Variants in TTLL12 observed in about 807,000 individuals in gnomAD.
TTLL12 encodes tubulin tyrosine ligase like 12.
In TTLL12, 77 loss-of-function variants were observed where a neutral mutation model predicts 79.6. The ratio of observed to expected loss-of-function variants is 0.97; its 90% CI spans 0.81 to 1.17. TTLL12 has a LOEUF of 1.17. Ranked by LOEUF, TTLL12 falls within the 50% of genes most tolerant of loss-of-function variation. TTLL12 has a pLI of 0.00. For missense variants in TTLL12, 969 were observed against 895.9 expected, an observed-to-expected ratio of 1.08 and a Z score of -1.04; for synonymous variants, 437 against 376.1, an observed-to-expected ratio of 1.16 and a Z score of -1.87.
intron 5 of TTLL12, among the ~76,000 whole-genome samples, chr22:43,178,959 G>A (rs879758473): frequency 1.3e-5 from 2 of 152,184 alleles, no homozygotes; most frequent in Non-Finnish European, 2.9e-5. Flanking sequence ...GGGAGAGGAG[G>A]GGAAGGAGGA....
Position 43,179,715 on chromosome 22 carries a change from G to A in TTLL12, c.744C>T (p.Asp248=), listed in dbSNP as rs1361577216. ...GCAGCATGCACTTCCGGATCAGGGG[G>A]TCCGTCTCTCCGTAGGCAAAGTCTC... The part of the protein sequence containing the change: ...VTRDFAYGET[D]PLIRKCMLLP... The change falls in exon 5 of 14, where the codon GAC becomes GAT. Residue 248 remains aspartate (D), a synonymous_variant. Transcript: ENST00000216129. The A allele has an allele frequency of 6.4e-7, 1 of 1,566,292 alleles. No individual in the cohort carries two copies. Among genetic ancestry groups the A allele is most frequent in the Non-Finnish European group, 8.7e-7 (1 of 1,155,962 alleles).
chr22:43,175,666 G>A (rs2147070666), intron 6 of TTLL12: 1 of 152,030 alleles, frequency 6.6e-6, no homozygotes, highest in East Asian at 1.9e-4. Flanking sequence ...AACTTTCAAA[G>A]ATGAATTTAT....
At chr22:43,186,189 A>ACCCCCCCC (rs59941359) in intron 1 of TTLL12, among the ~76,000 whole-genome samples, 5 of 82,140 alleles carry the variant, frequency 6.1e-5, no homozygotes, top group Admixed American at 1.4e-4. Context: ...TAAAGAAAAC[A>ACCCCCCCC]CCCCCCCCCC....
At chr22:43,171,044 G>A (rs559635166) in intron 11 of TTLL12, among the ~76,000 whole-genome samples, 15 of 152,370 alleles carry the variant, frequency 9.8e-5, no homozygotes, top group East Asian at 9.6e-4. Context: ...GGGTCGGGGA[G>A]CGTTGGGGCT....
At position 43,171,872 on chromosome 22, in the gene TTLL12, A is replaced by G. The variant is rs1475384813; in HGVS notation, c.1522T>C (p.Tyr508His). ...RAFALNDLDD[Y>H]EKHFTVMNYD... ...TTCATGACCGTGAAGTGCTTCTCGT[A>G]GTCATCCAGGTCGTTGAGTGCAAAG... Residue 508 changes from tyrosine (Y) to histidine (H), a missense_variant, in exon 11 of 14, where the codon TAC becomes CAC. Coordinates refer to ENST00000216129, the MANE Select transcript of TTLL12 (RefSeq NM_015140.4). 6.2e-7 allele frequency: 1 copy of G among 1,614,188 alleles called. No homozygotes were observed. The highest frequency in any genetic ancestry group is 1.1e-5 in the South Asian group (1 of 91,090).
intron 13 of TTLL12, among the ~76,000 whole-genome samples, chr22:43,168,455 C>A (rs1254891560): frequency 6.6e-6 from 1 of 150,462 alleles, no homozygotes; most frequent in Admixed American, 6.6e-5. Context: ...AGATATGCAG[C>A]AGCAGTGTAC....
chr22:43,172,716 G>A (rs1258847979), intron 9 of TTLL12, among the ~76,000 whole-genome samples, 162 bp from the exon 10 acceptor site: 1 of 132,210 alleles, frequency 7.6e-6, no homozygotes, highest in Non-Finnish European at 1.6e-5. Flanking sequence ...TTTTTTTTTT[G>A]AGACAGAGTT....
chr22:43,174,776 C>T (rs1446611172), intron 6 of TTLL12, among the ~76,000 whole-genome samples, 161 bp from the exon 7 acceptor site: 1 of 152,158 alleles, frequency 6.6e-6, no homozygotes, highest in East Asian at 1.9e-4. Context: ...GGGTTCAGAC[C>T]CCGCTCCCTC....
intron 5 of TTLL12, among the ~76,000 whole-genome samples, chr22:43,179,135 C>A (rs1931987110): frequency 6.6e-6 from 1 of 152,230 alleles, no homozygotes; most frequent in African/African-American, 2.4e-5. Flanking sequence ...TACCTCCAGC[C>A]AGGCACTACC....
At chr22:43,179,283 T>C (rs2147073806) in intron 5 of TTLL12, among the ~76,000 whole-genome samples, 1 of 152,264 alleles carries the variant, frequency 6.6e-6, no homozygotes, top group African/African-American at 2.4e-5. Flanking sequence ...GGTGTTTCCA[T>C]GCCTCGGTGA....
chr22:43,177,814 C>T (rs1031061251), intron 5 of TTLL12, among the ~76,000 whole-genome samples: 1 of 152,218 alleles, frequency 6.6e-6, no homozygotes, highest in African/African-American at 2.4e-5. Context: ...CCACAGAAAT[C>T]GTGTGAGATA....
At chr22:43,173,949 G>T in intron 8 of TTLL12, 123 bp from the exon 9 acceptor site, 1 of 968,540 alleles carries the variant, frequency 1.0e-6, no homozygotes, top group Non-Finnish European at 1.5e-6. Context: ...GGGCACCAGA[G>T]AGCTGTCAGA....
intron 11 of TTLL12, among the ~76,000 whole-genome samples, chr22:43,170,902 AG>A (rs1405794537): frequency 1.3e-5 from 2 of 152,234 alleles, no homozygotes; most frequent in Admixed American, 6.5e-5. Flanking sequence ...TGACAGCGTG[AG>A]ACATTGTCTC....
chr22:43,167,804 G>A lies in TTLL12; in HGVS notation c.*204C>T. 1.7e-6 allele frequency: 1 copy of A among 590,396 alleles called. No individual in the cohort carries two copies. The highest frequency in any genetic ancestry group is 3.0e-6 in the Non-Finnish European group (1 of 338,078). The allele number at this position is 590,396 out of a possible 1,614,324, so 36.6% of individuals were successfully genotyped here. A position where few individuals can be genotyped will look rare whatever the true frequency, so the allele number is the denominator to read the frequency against. Reference sequence around the variant, plus strand: ...GCTCAGCCCTGGGGACACCATCACTGTCCTGCTCTGACCCACAGGTGAGAG... The same window carrying A: ...GCTCAGCCCTGGGGACACCATCACTATCCTGCTCTGACCCACAGGTGAGAG... On this transcript the variant is annotated 3_prime_UTR_variant, in exon 14 of 14. Transcript: ENST00000216129.
intron 11 of TTLL12, 158 bp downstream of exon 11, chr22:43,171,661 T>A (rs911311367): frequency 1.7e-6 from 1 of 600,312 alleles, no homozygotes; most frequent in Non-Finnish European, 3.0e-6. Flanking sequence ...TGGCTCATGA[T>A]GGCAGCGCTA....
At chr22:43,180,468 G>A (rs35910939) in intron 3 of TTLL12, among the ~76,000 whole-genome samples, 54,773 of 151,946 alleles carry the variant, frequency 0.36, 10,318 homozygotes, top group Admixed American at 0.41. Flanking sequence ...GAATGGTTGA[G>A]GGCTTTTAAG....
At chr22:43,178,184 A>T (rs2147072855) in intron 5 of TTLL12, among the ~76,000 whole-genome samples, 1 of 152,272 alleles carries the variant, frequency 6.6e-6, no homozygotes, top group South Asian at 2.1e-4. Context: ...AACAAGACTG[A>T]GCCCCTTGTT....
chr22:43,180,279 G>A (rs989745941), intron 3 of TTLL12, among the ~76,000 whole-genome samples: 1 of 152,180 alleles, frequency 6.6e-6, no homozygotes, highest in African/African-American at 2.4e-5. Flanking sequence ...GGTGTATATG[G>A]GTTTGAGGGT....
At position 43,169,453 on chromosome 22, in the gene TTLL12, C is replaced by T. The variant is rs376910389; in HGVS notation, c.1644+47G>A. On this transcript the variant is annotated intron_variant, in intron 12 of 13. Coordinates refer to ENST00000216129, the MANE Select transcript of TTLL12 (RefSeq NM_015140.4). The stretch of plus-strand genomic sequence containing the variant: ...GAGCAGCTCCTGCAGGCCCCCAGCC[C>T]GGGACCCGCCCCACCGGCCTGCGAT... 435 of 1,509,198 alleles carry T rather than the reference C, an allele frequency of 2.9e-4. 5 individuals carry two copies. The Admixed American group carries it at 6.4e-3, about 22-fold the overall frequency. 93.5% of individuals were successfully genotyped at this position (1,509,198 alleles called of 1,614,324 possible). A position where few individuals can be genotyped will look rare whatever the true frequency, so the allele number is the denominator to read the frequency against.
Sources: allele counts gnomAD v4.1 joint callset (sites outside exome capture counted in the v4.1 genomes callset), GRCh38; gene constraint gnomAD v4.1.1; transcripts MANE v1.5; gene names NCBI Gene and HGNC (gene_info 2026-07-23, HGNC 2026-07-21).